ZNF362: variants seen among roughly 807,000 people sequenced by gnomAD.
ZNF362 encodes zinc finger protein 362, also known as rotund homolog.
Under a neutral mutation model 42.9 loss-of-function variants are expected in ZNF362, and 11 were observed. That is an observed-to-expected ratio of 0.26 (90% CI 0.16 to 0.42). The LOEUF (loss-of-function observed/expected upper bound fraction) is 0.42. ZNF362 is among the 20% of genes least tolerant of loss of function. ZNF362 has a pLI of 1.00. For synonymous variants in ZNF362, 255 were observed against 257.3 expected, an observed-to-expected ratio of 0.99 and a Z score of 0.09; for missense variants, 362 against 576.2, an observed-to-expected ratio of 0.63 and a Z score of 3.81.
chr1:33,205,207 G>A, the ZNF362 span, among the ~76,000 whole-genome samples: 1 of 152,160 alleles, frequency 6.6e-6, no homozygotes, highest in Non-Finnish European at 1.5e-5. Flanking sequence ...AGAATGGCTG[G>A]GCACAGCGGC....
At chr1:33,176,531 T>C in the ZNF362 span, 12 of 646,984 alleles carry the variant, frequency 1.9e-5, no homozygotes, top group African/African-American at 2.1e-4. Flanking sequence ...ATCCCCTCTC[T>C]GGGGGTTAGG....
At chr1:33,147,795 T>TC in the ZNF362 span, 1 of 1,537,438 alleles carries the variant, frequency 6.5e-7, no homozygotes, top group Non-Finnish European at 8.8e-7. The surrounding 1 kb of genome is among the most constrained non-coding windows in gnomAD (Gnocchi z 8.1). Context: ...TGCAGTGCCT[T>TC]CCTGAGGGCA....
the ZNF362 span, chr1:33,181,547 G>A: frequency 7.0e-7 from 1 of 1,426,974 alleles, no homozygotes; most frequent in South Asian, 1.5e-5. The surrounding 1 kb of genome is among the most constrained non-coding windows in gnomAD (Gnocchi z 6.5). Context: ...CGCACAGGCA[G>A]GGGTAGGAGC....
At chr1:33,193,963 A>G in the ZNF362 span, among the ~76,000 whole-genome samples, 17 of 152,368 alleles carry the variant, frequency 1.1e-4, no homozygotes, top group East Asian at 3.1e-3. Flanking sequence ...CATACGCCAA[A>G]AATTAGGATT....
At chr1:33,197,785 G>A in the ZNF362 span, among the ~76,000 whole-genome samples, 1 of 152,136 alleles carries the variant, frequency 6.6e-6, no homozygotes, top group African/African-American at 2.4e-5. Context: ...TCATAGTACT[G>A]AGTACTGATC....
the ZNF362 span, chr1:33,181,423 T>C: frequency 1.3e-6 from 2 of 1,596,186 alleles, no homozygotes; most frequent in Non-Finnish European, 1.7e-6. This position sits in a 1 kb window ranked among gnomAD's most constrained non-coding sequence, Gnocchi z 6.5. Context: ...TCCTTGAGGC[T>C]GCACGCCATG....
chr1:33,236,850 C>A, the ZNF362 span, among the ~76,000 whole-genome samples: 1 of 151,700 alleles, frequency 6.6e-6, no homozygotes, highest in Non-Finnish European at 1.5e-5. Flanking sequence ...GTGGGTAGAC[C>A]CCTTGAGATT....
chr1:33,202,956 A>T, the ZNF362 span, among the ~76,000 whole-genome samples: 3 of 152,194 alleles, frequency 2.0e-5, no homozygotes, highest in Non-Finnish European at 4.4e-5. Flanking sequence ...TAACATATCC[A>T]TCATCTCAAA....
the ZNF362 span, among the ~76,000 whole-genome samples, chr1:33,133,761 C>T: frequency 1.3e-5 from 2 of 152,216 alleles, no homozygotes; most frequent in Non-Finnish European, 2.9e-5. Context: ...ACACTGGGCT[C>T]CCACGACACG....
chr1:33,224,634 GAT>G, the ZNF362 span, among the ~76,000 whole-genome samples: 1 of 152,092 alleles, frequency 6.6e-6, no homozygotes, highest in East Asian at 1.9e-4. Context: ...ATCTATAAGA[GAT>G]AACGATGAAA....
At chr1:33,181,753 G>C in the ZNF362 span, 1 of 338,804 alleles carries the variant, frequency 3.0e-6, no homozygotes, top group East Asian at 7.4e-5. This position sits in a 1 kb window ranked among gnomAD's most constrained non-coding sequence, Gnocchi z 6.5. Context: ...GGGCGGGGCA[G>C]TCCTAAGGGA....
In ZNF362 at chr1:33,266,919, A is replaced by G. The variant is rs1317508755; in HGVS notation, c.-88-3568A>G. Among the ~76,000 whole-genome samples the G allele has an allele frequency of 6.6e-6, 1 of 152,214 alleles. No homozygotes were observed. The highest frequency in any genetic ancestry group is 2.4e-5 in the African/African-American group (1 of 41,462). On this transcript the variant is annotated intron_variant, in intron 1 of 8. Coordinates refer to ENST00000539719, the MANE Select transcript of ZNF362 (RefSeq NM_152493.3). This position sits in a 1 kb window ranked among gnomAD's most constrained non-coding sequence, Gnocchi z 4.3. ...ACTGTGGAGTTTGAACTATACCCCA[A>G]AAGTGATGGGAATCCAAGAAGGATT...
At chr1:33,159,728 G>C in the ZNF362 span, 1 of 1,611,946 alleles carries the variant, frequency 6.2e-7, no homozygotes. The surrounding 1 kb of genome is among the most constrained non-coding windows in gnomAD (Gnocchi z 4.2). Context: ...AAGGTGTGCC[G>C]GTCGGTTTCA....
At chr1:33,217,411 C>T in the ZNF362 span, among the ~76,000 whole-genome samples, 6 of 152,134 alleles carry the variant, frequency 3.9e-5, no homozygotes, top group Non-Finnish European at 8.8e-5. Flanking sequence ...GGTGTTAGAC[C>T]AGCAGGCGTT....
chr1:33,238,313 C>G, the ZNF362 span, among the ~76,000 whole-genome samples: 1 of 18,228 alleles, frequency 5.5e-5, no homozygotes, highest in African/African-American at 1.6e-4. Context: ...TGTGAGGCTC[C>G]GTCTCAAAAT....
At chr1:33,188,147 T>A in the ZNF362 span, among the ~76,000 whole-genome samples, 2 of 151,992 alleles carry the variant, frequency 1.3e-5, no homozygotes, top group Non-Finnish European at 2.9e-5. Context: ...GGCAAGAGAA[T>A]CCCTTGAACC....
chr1:33,170,675 G>T, the ZNF362 span, among the ~76,000 whole-genome samples: 3 of 152,126 alleles, frequency 2.0e-5, no homozygotes, highest in South Asian at 4.1e-4. Flanking sequence ...AAACCCTAGA[G>T]TCCAGAAGGT....
upstream of ZNF362, among the ~76,000 whole-genome samples, chr1:33,253,067 C>T (rs1327112307): frequency 2.6e-5 from 4 of 151,604 alleles, no homozygotes; most frequent in African/African-American, 7.3e-5. Context: ...TGGCTTCATA[C>T]AGGAGGTGAT....
chr1:33,266,059 C>T lies in ZNF362; in HGVS notation c.-88-4428C>T, dbSNP rs2148071832. Among the ~76,000 whole-genome samples, 2 of 152,344 alleles carry T rather than the reference C, an allele frequency of 1.3e-5. No homozygotes were observed. The highest frequency in any genetic ancestry group is 4.1e-4 in the South Asian group (2 of 4,828). ...TCCCACCTTCCTGAAGTCTGTTCTT[C>T]CCACAGTGAGATGAGTTCACCCTCC... On this transcript the variant is annotated intron_variant, in intron 1 of 8. Coordinates refer to ENST00000539719, the MANE Select transcript of ZNF362 (RefSeq NM_152493.3). The surrounding 1 kb of genome is among the most constrained non-coding windows in gnomAD (Gnocchi z 4.3).
Sources: gnomAD v4.1 joint callset for allele counts (sites outside exome capture counted in the v4.1 genomes callset) on GRCh38, gnomAD v4.1.1 for gene constraint, Gnocchi (gnomAD v3.1) non-coding constraint, MANE v1.5 for transcripts, NCBI Gene and HGNC (gene_info 2026-07-23, HGNC 2026-07-21) for gene names.